SHC2: variants seen among roughly 807,000 people sequenced by gnomAD.
SHC2 encodes the protein SHC adaptor protein 2.
Under a neutral mutation model 60.6 loss-of-function variants are expected in SHC2, and 62 were observed. The ratio of observed to expected loss-of-function variants is 1.02; its 90% CI spans 0.83 to 1.26. The LOEUF is 1.26. Among genes scored for constraint, SHC2 ranks in the 50% most tolerant of loss-of-function variants. SHC2 has a pLI of 0.00. For missense variants in SHC2, 873 were observed against 822.2 expected (o/e 1.06, Z -0.76); for synonymous variants, 375 against 372.4 (o/e 1.01, Z -0.08).
At chr19:426,043 A>C (rs531827552) in intron 9 of SHC2, among the ~76,000 whole-genome samples, 110 of 152,180 alleles carry the variant, frequency 7.2e-4, no homozygotes, top group African/African-American at 2.3e-3. Context: ...AAAAAAAAAA[A>C]AAAACTATCC....
chr19:459,494 T>C lies in SHC2; in HGVS notation c.468+1035A>G, dbSNP rs1600337351. ...CTCAGCGTAGGGGGAAGGACCCCACTGAACCCAGCGTAGGGGGAAGGACCC... is the reference window on the plus strand; with the variant it reads ...CTCAGCGTAGGGGGAAGGACCCCACCGAACCCAGCGTAGGGGGAAGGACCC... On this transcript the variant is annotated intron_variant, in intron 1 of 12. Coordinates refer to ENST00000264554, the MANE Select transcript of SHC2 (RefSeq NM_012435.3). Among the ~76,000 whole-genome samples, 2 of 145,844 alleles carry C rather than the reference T, an allele frequency of 1.4e-5. 1 individual carries two copies. Among genetic ancestry groups the C allele is most frequent in the African/African-American group, 5.1e-5 (2 of 39,268 alleles).
chr19:446,821 G>A lies in SHC2; in HGVS notation c.469-5889C>T, dbSNP rs566884130. On this transcript the variant is annotated intron_variant, in intron 1 of 12. Coordinates refer to ENST00000264554, the MANE Select transcript of SHC2 (RefSeq NM_012435.3). The surrounding 1 kb of genome is among the most constrained non-coding windows in gnomAD (Gnocchi z 5.4). ...ACAAGTCAGTAAACCGAAGCCCAGAGAGGGGATGGCACCTGGCCGGCCTCA... is the reference window on the plus strand; with the variant it reads ...ACAAGTCAGTAAACCGAAGCCCAGAAAGGGGATGGCACCTGGCCGGCCTCA... 6.4e-4 allele frequency among the ~76,000 whole-genome samples: 97 copies of A among 152,300 alleles called. 1 individual carries two copies. In the South Asian group the frequency reaches 0.02, roughly 31 times the overall value.
At chr19:437,961 C>T (rs1176295996) in intron 4 of SHC2, among the ~76,000 whole-genome samples, 1 of 152,144 alleles carries the variant, frequency 6.6e-6, no homozygotes, top group Non-Finnish European at 1.5e-5. Flanking sequence ...TCTGTTATTT[C>T]CTCTATTTCT....
Position 436,701 on chromosome 19 carries a change from A to C in SHC2, c.721-18T>G. 6.3e-7 allele frequency: 1 copy of C among 1,599,638 alleles called. No individual in the cohort carries two copies. On this transcript the variant is annotated intron_variant, in intron 4 of 12. Transcript: ENST00000264554. ...GCGATGACCTGTGGCGGCAGGAGGC[A>C]CACGCGGTCATGGGGGCCCCGCTTC...
chr19:458,262 A>C (rs1975416935), intron 1 of SHC2, among the ~76,000 whole-genome samples: 4 of 109,038 alleles, frequency 3.7e-5, no homozygotes, highest in East Asian at 2.9e-4. Context: ...GGGAGGCGGA[A>C]GCGGGTCTTG....
rs1213968885 is a variant in SHC2 at position 419,069 on chromosome 19, G to A, written c.1621-13C>T. On this transcript the variant is annotated splice_polypyrimidine_tract_variant and intron_variant, in intron 11 of 12. Coordinates refer to ENST00000264554, the MANE Select transcript of SHC2 (RefSeq NM_012435.3). ...CCTTCGTCCGTACCTGCGGGACAGA[G>A]ACCTCGGCATCAGCTCCCGGGAGCC... The A allele has an allele frequency of 2.6e-6, 4 of 1,567,722 alleles. No homozygotes were observed. Among genetic ancestry groups the A allele is most frequent in the Admixed American group, 1.8e-5 (1 of 55,154 alleles).
Position 460,646 on chromosome 19 carries a change from C to G in SHC2, c.351G>C (p.Gly117=). The change falls in exon 1 of 13, where the codon GGG becomes GGC. Residue 117 remains glycine (G), a synonymous_variant. Transcript: ENST00000264554. ...SRGGRGAAGS[G]DAAAAAEWIR... is the part of the protein sequence containing the mutation. ...TCCACTCGGCGGCGGCGGCGGCGTCCCCGGACCCCGCCGCCCCCCGCCCGC... is the reference window on the plus strand; with the variant it reads ...TCCACTCGGCGGCGGCGGCGGCGTCGCCGGACCCCGCCGCCCCCCGCCCGC... 8.0e-7 allele frequency: 1 copy of G among 1,249,390 alleles called. No individual in the cohort carries two copies. Among genetic ancestry groups the G allele is most frequent in the Admixed American group, 3.9e-5 (1 of 25,652 alleles). The allele number at this position is 1,249,390 out of a possible 1,614,324, so 77.4% of individuals were successfully genotyped here.
At chr19:435,229 GC>G (rs1974688648) in intron 7 of SHC2, among the ~76,000 whole-genome samples, 1 of 152,340 alleles carries the variant, frequency 6.6e-6, no homozygotes, top group East Asian at 1.9e-4. Flanking sequence ...GGATCAAAGC[GC>G]CCCCGCCCTC....
In SHC2 at chr19:438,516, G is replaced by A. The variant is rs548549108; in HGVS notation, c.720+202C>T. ...GCCAGGAGCGCCCCTGTATCAGGAC[G>A]GCTCGCCCAGGTGGGAGCCCCTGAG... On this transcript the variant is annotated intron_variant, in intron 4 of 12. Transcript: ENST00000264554. This position sits in a 1 kb window ranked among gnomAD's most constrained non-coding sequence, Gnocchi z 5.0. Among the ~76,000 whole-genome samples the A allele has an allele frequency of 9.6e-4, 146 of 152,322 alleles. No individual in the cohort carries two copies. Among genetic ancestry groups the A allele is most frequent in the African/African-American group, 3.3e-3 (139 of 41,572 alleles).
chr19:419,083 C>T (rs1249107426), intron 11 of SHC2, 27 bp from the exon 12 acceptor site: 10 of 1,552,730 alleles, frequency 6.4e-6, no homozygotes, highest in Non-Finnish European at 6.1e-6. Context: ...TCGGCATCAG[C>T]TCCCGGGAGC....
chr19:450,071 C>G (rs1975142074), intron 1 of SHC2, among the ~76,000 whole-genome samples: 1 of 152,228 alleles, frequency 6.6e-6, no homozygotes, highest in African/African-American at 2.4e-5. Flanking sequence ...TGCCCCTGGC[C>G]ATGGCTTTCC....
chr19:460,493 G>C lies in SHC2; in HGVS notation c.468+36C>G, dbSNP rs1392422502. On this transcript the variant is annotated intron_variant, in intron 1 of 12. Coordinates refer to ENST00000264554, the MANE Select transcript of SHC2 (RefSeq NM_012435.3). ...AGAGGGTGGGGGAGGGGAGGCCGCC[G>C]CGAACGGGCTCCCGGGGGGGGTGGG... 3.1e-6 allele frequency: 3 copies of C among 980,506 alleles called. No individual in the cohort carries two copies. In the African/African-American group the frequency reaches 5.6e-5, roughly 18 times the overall value. The allele number at this position is 980,506 out of a possible 1,614,324, so 60.7% of individuals were successfully genotyped here. A position where few individuals can be genotyped will look rare whatever the true frequency, so the allele number is the denominator to read the frequency against.
At position 460,990 on chromosome 19, in the gene SHC2, G is replaced by A. The variant is rs1449083963; in HGVS notation, c.7C>T (p.Gln3Ter). MT[Q>*]GPGGRAPPAP... ...GGGGGCGCGCGCCCGCCCGGACCCT[G>A]CGTCATGGCCGCGGCCGCCCGACGG... Residue 3 changes from glutamine (Q) to a stop codon, truncating the protein, a stop_gained, in exon 1 of 13, where the codon CAG becomes TAG. Transcript: ENST00000264554. LOFTEE classifies it high-confidence loss of function. 135 of 972,242 alleles carry A rather than the reference G, an allele frequency of 1.4e-4. No homozygotes were observed. The highest frequency in any genetic ancestry group is 1.4e-4 in the Non-Finnish European group (115 of 818,150). 60.2% of individuals were successfully genotyped at this position (972,242 alleles called of 1,614,324 possible).
rs947023592 is a variant in SHC2 at position 459,441 on chromosome 19, C to T, written c.468+1088G>A. ...CGTAGGGGGAAGGACCCCACTGAAC[C>T]CAGCGTAGGGGGAAGGACCCCTCTC... On this transcript the variant is annotated intron_variant, in intron 1 of 12. Coordinates refer to ENST00000264554, the MANE Select transcript of SHC2 (RefSeq NM_012435.3). Among the ~76,000 whole-genome samples the T allele has an allele frequency of 3.6e-3, 277 of 76,084 alleles. 5 individuals carry two copies. Among genetic ancestry groups the T allele is most frequent in the Middle Eastern group, 0.012 (1 of 84 alleles). 49.9% of individuals were successfully genotyped at this position (76,084 alleles called of 152,430 possible).
At chr19:437,728 G>A (rs913431572) in intron 4 of SHC2, among the ~76,000 whole-genome samples, 2 of 151,766 alleles carry the variant, frequency 1.3e-5, no homozygotes, top group South Asian at 2.1e-4. Context: ...GCCCCTCACC[G>A]CCACCTGCTG....
intron 10 of SHC2, among the ~76,000 whole-genome samples, chr19:423,110 CTGG>C (rs1974324413): frequency 6.6e-6 from 1 of 151,824 alleles, no homozygotes; most frequent in Non-Finnish European, 1.5e-5. Flanking sequence ...CCTCCAGCTC[CTGG>C]TCCTGGGGGG....
chr19:434,890 T>C (rs749524326), intron 7 of SHC2, 25 bp from the exon 8 acceptor site: 12 of 1,603,766 alleles, frequency 7.5e-6, no homozygotes, highest in Non-Finnish European at 1.0e-5. Context: ...ACAACGGCCA[T>C]GGCACAGGCA....
At chr19:443,712 G>A (rs1974973988) in intron 1 of SHC2, among the ~76,000 whole-genome samples, 1 of 150,418 alleles carries the variant, frequency 6.6e-6, no homozygotes, top group African/African-American at 2.5e-5. Flanking sequence ...ATGGATGGAT[G>A]GACGGGTGAG....
chr19:430,597 G>T, intron 9 of SHC2, 87 bp downstream of exon 9: 1 of 1,026,622 alleles, frequency 9.7e-7, no homozygotes, highest in East Asian at 2.5e-5. Flanking sequence ...GCAGAGAGGA[G>T]AAAGACTGAG....
Sources: allele counts gnomAD v4.1 joint callset (sites outside exome capture counted in the v4.1 genomes callset), GRCh38; gene constraint gnomAD v4.1.1; non-coding constraint Gnocchi (gnomAD v3.1); transcripts MANE v1.5; gene names NCBI Gene and HGNC (gene_info 2026-07-23, HGNC 2026-07-21).